Variants in NSD3 observed in about 807,000 individuals in gnomAD.
NSD3 encodes the protein histone-lysine N-methyltransferase NSD3.
In NSD3, 24 loss-of-function variants were observed where a neutral mutation model predicts 160.8. That is an observed-to-expected ratio of 0.15 (90% CI 0.11 to 0.21). The LOEUF (loss-of-function observed/expected upper bound fraction) is 0.21, where lower values mean the gene tolerates loss of function less well. Ranked by LOEUF, NSD3 falls within the 10% of genes least tolerant of loss-of-function variation. The pLI is 1.00. For synonymous variants in NSD3, 520 were observed against 600.0 expected, an observed-to-expected ratio of 0.87 and a Z score of 1.95; for missense variants, 1,157 against 1,735.9, an observed-to-expected ratio of 0.67 and a Z score of 5.93.
intron 1 of NSD3, among the ~76,000 whole-genome samples, chr8:38,376,860 A>G (rs1005287730): frequency 3.3e-5 from 5 of 152,214 alleles, no homozygotes; most frequent in African/African-American, 1.2e-4. Flanking sequence ...AAAATAAAGT[A>G]GTTGTACTAT....
intron 1 of NSD3, among the ~76,000 whole-genome samples, chr8:38,378,169 A>G (rs1198591539): frequency 6.6e-6 from 1 of 152,106 alleles, no homozygotes; most frequent in Non-Finnish European, 1.5e-5. Context: ...CTGGGCAACA[A>G]GAGTGAAACT....
At chr8:38,366,542 T>C (rs531342201) in intron 1 of NSD3, among the ~76,000 whole-genome samples, 1 of 151,366 alleles carries the variant, frequency 6.6e-6, no homozygotes, top group African/African-American at 2.4e-5. Context: ...GCCTCGTGAG[T>C]AGCTGGGACT....
At chr8:38,278,503 A>C in intron 21 of NSD3, 91 bp from the exon 22 acceptor site, 3 of 1,107,208 alleles carry the variant, frequency 2.7e-6, no homozygotes, top group African/African-American at 1.6e-5. Flanking sequence ...AAAAAGAGAC[A>C]TCATTTTGGC....
At chr8:38,367,666 T>C (rs1487535553) in intron 1 of NSD3, among the ~76,000 whole-genome samples, 1 of 152,028 alleles carries the variant, frequency 6.6e-6, no homozygotes, top group Non-Finnish European at 1.5e-5. Context: ...GAGCTGAGAT[T>C]GTGCCACTGC....
intron 2 of NSD3, among the ~76,000 whole-genome samples, chr8:38,341,300 G>C (rs780060691): frequency 1.3e-5 from 2 of 152,166 alleles, no homozygotes; most frequent in African/African-American, 2.4e-5. Context: ...AGCACTTTGG[G>C]AGGCCAAGGT....
At chr8:38,305,582 T>C (rs1053362582) in intron 12 of NSD3, 137 bp from the exon 13 acceptor site, 5 of 726,086 alleles carry the variant, frequency 6.9e-6, no homozygotes, top group Non-Finnish European at 1.0e-5. Context: ...ACAAAAAAAA[T>C]TTAAAATAAA....
chr8:38,375,105 C>T (rs762710171), intron 1 of NSD3, among the ~76,000 whole-genome samples: 4 of 152,174 alleles, frequency 2.6e-5, no homozygotes, highest in Non-Finnish European at 5.9e-5. Context: ...CTACCAAACA[C>T]CTCAGAAGAT....
intron 1 of NSD3, among the ~76,000 whole-genome samples, chr8:38,367,706 T>C (rs1172331844): frequency 6.6e-6 from 1 of 152,076 alleles, no homozygotes; most frequent in African/African-American, 2.4e-5. Context: ...AGTGAGACTC[T>C]GTCTCAAAAA....
At chr8:38,331,369 C>T (rs1810057758) in intron 5 of NSD3, 62 bp downstream of exon 5, 5 of 1,423,002 alleles carry the variant, frequency 3.5e-6, no homozygotes, top group Non-Finnish European at 4.6e-6. Context: ...ATGAAAAATT[C>T]TTCTAAATTA....
At position 38,304,752 on chromosome 8, in the gene NSD3, T is replaced by A; in HGVS notation, c.2446A>T (p.Met816Leu). The A allele has an allele frequency of 6.2e-7, 1 of 1,605,854 alleles. No individual in the cohort carries two copies. Among genetic ancestry groups the A allele is most frequent in the South Asian group, 1.1e-5 (1 of 89,310 alleles). The change falls in exon 14 of 24, where the codon ATG (methionine) becomes TTG (leucine). Residue 816 changes from methionine (M) to leucine (L), a missense_variant. By Grantham distance (15) the Met-to-Leu change is conservative. Around this residue, in one of 10 missense-constraint regions of NSD3, gnomAD observed 437 missense variants for 576.6 expected, o/e 0.76. Coordinates refer to ENST00000317025, the MANE Select transcript of NSD3 (RefSeq NM_023034.2). ...KDIHKASKGR[M>L]MRCLRCPVAY... ...ACTGGACATCTTAAACATCTCATCA[T>A]GCGGCCTGTTTAAAGACAAGTCAAA...
Position 38,269,862 on chromosome 8 carries a change from A to G in NSD3, c.*5779T>C, listed in dbSNP as rs1423246488. The G allele has an allele frequency of 6.6e-6, 1 of 152,250 alleles. No homozygotes were observed. The highest frequency in any genetic ancestry group is 1.9e-4 in the East Asian group (1 of 5,204). The allele number at this position is 152,250 out of a possible 1,614,324, so 9.4% of individuals were successfully genotyped here. ...AATAAAAAAGGCAACATCTCAGTAA[A>G]TATAATGTACAAAAATTATATGTTC... On this transcript the variant is annotated 3_prime_UTR_variant, in exon 24 of 24. Transcript: ENST00000317025.
intron 1 of NSD3, among the ~76,000 whole-genome samples, chr8:38,363,671 A>G (rs1452581155): frequency 2.6e-5 from 4 of 151,108 alleles, no homozygotes; most frequent in Non-Finnish European, 4.4e-5. Flanking sequence ...AAAGGGAAGG[A>G]AACAGCTAGA....
Position 38,273,193 on chromosome 8 carries a change from T to A in NSD3, c.*2448A>T, listed in dbSNP as rs1808527834. ...TTGTATTTTTAGCAGAGACAGGGTT[T>A]CACCATGTTGGTCAGGCTGGTCTCA... On this transcript the variant is annotated 3_prime_UTR_variant, in exon 24 of 24. Transcript: ENST00000317025. 6.6e-6 allele frequency: 1 copy of A among 152,250 alleles called. No homozygotes were observed. The highest frequency in any genetic ancestry group is 1.5e-5 in the Non-Finnish European group (1 of 68,090). 9.4% of individuals were successfully genotyped at this position (152,250 alleles called of 1,614,324 possible).
chr8:38,278,290 C>T lies in NSD3; in HGVS notation c.3867+16G>A. On this transcript the variant is annotated intron_variant, in intron 22 of 23. Transcript: ENST00000317025. ...TTATCGCCTGTTGACTGGGGGCGCT[C>T]CCCTGCAAGACTGACCTTTGGCCGC... The T allele has an allele frequency of 6.2e-7, 1 of 1,611,822 alleles. No individual in the cohort carries two copies. The highest frequency in any genetic ancestry group is 1.1e-5 in the South Asian group (1 of 90,840).
chr8:38,306,078 A>G (rs1563348998), intron 12 of NSD3, among the ~76,000 whole-genome samples: 1 of 152,140 alleles, frequency 6.6e-6, no homozygotes, highest in Non-Finnish European at 1.5e-5. Flanking sequence ...TTCGTCAAGA[A>G]TGAAGTGAAA....
At chr8:38,299,187 A>T (rs1233058983) in intron 15 of NSD3, among the ~76,000 whole-genome samples, 1 of 152,226 alleles carries the variant, frequency 6.6e-6, no homozygotes, top group East Asian at 1.9e-4. Flanking sequence ...TAGTCTTCCT[A>T]TTTTAATAAC....
chr8:38,287,195 A>T (rs1214524240), intron 19 of NSD3, among the ~76,000 whole-genome samples: 1 of 152,232 alleles, frequency 6.6e-6, no homozygotes, highest in African/African-American at 2.4e-5. Flanking sequence ...TTCATTATGG[A>T]ATTTAAAAAT....
intron 1 of NSD3, among the ~76,000 whole-genome samples, chr8:38,370,820 CTA>C (rs1811229077): frequency 6.6e-6 from 1 of 151,968 alleles, no homozygotes; most frequent in Non-Finnish European, 1.5e-5. Flanking sequence ...CTCAATAAAA[CTA>C]TTATTTTAAA....
At chr8:38,279,120 A>G (rs868721121) in intron 21 of NSD3, among the ~76,000 whole-genome samples, 21 of 152,260 alleles carry the variant, frequency 1.4e-4, no homozygotes, top group African/African-American at 4.8e-4. Flanking sequence ...TTTCAAAGTG[A>G]AAACAACAAC....
Sources: allele counts gnomAD v4.1 joint callset (sites outside exome capture counted in the v4.1 genomes callset), GRCh38; gene constraint gnomAD v4.1.1; regional missense constraint gnomAD v4.1.1; transcripts MANE v1.5; gene names NCBI Gene and HGNC (gene_info 2026-07-23, HGNC 2026-07-21).